Variants in MAP3K5 observed in about 807,000 individuals in gnomAD.
MAP3K5 encodes the protein mitogen-activated protein kinase kinase kinase 5.
MAP3K5 carries 56 observed loss-of-function variants against 158.7 expected under a neutral mutation model. The ratio of observed to expected loss-of-function variants is 0.35; its 90% CI spans 0.28 to 0.44. The LOEUF is 0.44. Among genes scored for constraint, MAP3K5 ranks in the 20% least tolerant of loss-of-function variants. MAP3K5 has a pLI of 1.00. For missense variants in MAP3K5, 1,294 were observed against 1,674.8 expected (o/e 0.77, Z 3.97); for synonymous variants, 579 against 601.7 (o/e 0.96, Z 0.55).
intron 10 of MAP3K5, among the ~76,000 whole-genome samples, chr6:136,652,057 A>G (rs1480841294): frequency 6.6e-6 from 1 of 152,180 alleles, no homozygotes; most frequent in African/African-American, 2.4e-5. Context: ...TATCTTTAGA[A>G]CTAATCTTGA....
At chr6:136,664,446 C>A (rs910418857) in intron 8 of MAP3K5, among the ~76,000 whole-genome samples, 2 of 152,124 alleles carry the variant, frequency 1.3e-5, no homozygotes, top group East Asian at 1.9e-4. Context: ...AACCACCCCC[C>A]ACCCCTGGTC....
chr6:136,666,042 G>A (rs974955666), intron 8 of MAP3K5, among the ~76,000 whole-genome samples: 1 of 152,192 alleles, frequency 6.6e-6, no homozygotes, highest in African/African-American at 2.4e-5. Flanking sequence ...GAAGATGGAA[G>A]CATCATCTTG....
At chr6:136,742,740 T>C (rs1429392625) in intron 1 of MAP3K5, among the ~76,000 whole-genome samples, 1 of 152,158 alleles carries the variant, frequency 6.6e-6, no homozygotes, top group Non-Finnish European at 1.5e-5. Flanking sequence ...AGAATATATT[T>C]GCAAAAGACA....
chr6:136,780,726 T>C (rs1180616648), intron 1 of MAP3K5, among the ~76,000 whole-genome samples: 1 of 152,218 alleles, frequency 6.6e-6, no homozygotes, highest in Admixed American at 6.5e-5. Flanking sequence ...CTATTAACTA[T>C]TACATTTAGG....
intron 12 of MAP3K5, among the ~76,000 whole-genome samples, chr6:136,642,024 TAAAATAA>T (rs1490292066): frequency 5.0e-4 from 53 of 106,142 alleles, no homozygotes; most frequent in African/African-American, 1.8e-3. Context: ...ATAAATAAAA[TAAAATAA>T]AAATAAAATA....
chr6:136,595,735 G>T (rs962455571), intron 21 of MAP3K5, among the ~76,000 whole-genome samples: 1 of 152,188 alleles, frequency 6.6e-6, no homozygotes, highest in Non-Finnish European at 1.5e-5. Flanking sequence ...GCAATTGGGC[G>T]GCTGGGCGCG....
At chr6:136,638,950 AT>A (rs1261543238) in intron 13 of MAP3K5, among the ~76,000 whole-genome samples, 3 of 152,240 alleles carry the variant, frequency 2.0e-5, no homozygotes, top group Non-Finnish European at 2.9e-5. Flanking sequence ...AGTAAGAAGA[AT>A]TTAATTATTA....
In MAP3K5 at chr6:136,684,705, C is replaced by T. The variant is rs1425078125; in HGVS notation, c.1253+9435G>A. Among the ~76,000 whole-genome samples, 3 of 152,200 alleles carry T rather than the reference C, an allele frequency of 2.0e-5. No homozygotes were observed. In the East Asian group the frequency reaches 5.8e-4, roughly 29 times the overall value. ...TGCTGTCATCTTGCTCCTTCTCCTG[C>T]AGCCCAAGTTGTCCTCTAACTAGCA... On this transcript the variant is annotated intron_variant, in intron 7 of 29. Transcript: ENST00000359015.
chr6:136,753,309 C>T lies in MAP3K5; in HGVS notation c.449-32720G>A, dbSNP rs545386861. On this transcript the variant is annotated intron_variant, in intron 1 of 29. Coordinates refer to ENST00000359015, the MANE Select transcript of MAP3K5 (RefSeq NM_005923.4). ...TTTTTCAAGTGAACACAGGAATTCC[C>T]GACTTTCTTTTACCACAAAAGTATA... Among the ~76,000 whole-genome samples, 65 of 152,000 alleles carry T rather than the reference C, an allele frequency of 4.3e-4. 1 individual carries two copies. Among genetic ancestry groups the T allele is most frequent in the African/African-American group, 1.5e-3 (62 of 41,488 alleles).
chr6:136,598,748 G>A (rs1775741660), intron 21 of MAP3K5, among the ~76,000 whole-genome samples: 1 of 152,154 alleles, frequency 6.6e-6, no homozygotes, highest in Admixed American at 6.5e-5. Context: ...CACATATATG[G>A]CCTATAGAAA....
intron 25 of MAP3K5, among the ~76,000 whole-genome samples, chr6:136,579,310 C>T (rs1324621058): frequency 4.6e-5 from 7 of 152,112 alleles, no homozygotes; most frequent in Non-Finnish European, 7.4e-5. Context: ...TATCAAAACA[C>T]GTTGGAGGTT....
At chr6:136,788,255 T>TA (rs1171340395) in intron 1 of MAP3K5, among the ~76,000 whole-genome samples, 1 of 152,216 alleles carries the variant, frequency 6.6e-6, no homozygotes. Flanking sequence ...GACCCCTATC[T>TA]ATCACCATAT....
chr6:136,697,870 G>T (rs1207691742), intron 4 of MAP3K5, among the ~76,000 whole-genome samples: 1 of 152,092 alleles, frequency 6.6e-6, no homozygotes, highest in Non-Finnish European at 1.5e-5. Flanking sequence ...TCAGCCTTGT[G>T]AGTAGCTGGG....
At position 136,602,243 on chromosome 6, in the gene MAP3K5, T is replaced by C. The variant is rs575166221; in HGVS notation, c.2680-264A>G. ...GCACTATGAAGTAATAATTTAGTCCTTCAAAGCTTTAGAACATATTGGTAC... is the reference window on the plus strand; with the variant it reads ...GCACTATGAAGTAATAATTTAGTCCCTCAAAGCTTTAGAACATATTGGTAC... On this transcript the variant is annotated intron_variant, in intron 19 of 29. Coordinates refer to ENST00000359015, the MANE Select transcript of MAP3K5 (RefSeq NM_005923.4). Among the ~76,000 whole-genome samples the C allele has an allele frequency of 9.2e-5, 14 of 152,326 alleles. No homozygotes were observed. In the East Asian group the frequency reaches 2.5e-3, roughly 27 times the overall value.
Position 136,589,201 on chromosome 6 carries a change from G to A in MAP3K5, c.3225+2972C>T, listed in dbSNP as rs148576797. The stretch of plus-strand genomic sequence containing the variant: ...GAACAGGTAAACTGTTGTACTGAGA[G>A]ACTTTAAAAACTTGGCTAGACTCCT... On this transcript the variant is annotated intron_variant, in intron 23 of 29. Transcript: ENST00000359015. Among the ~76,000 whole-genome samples, 478 of 152,304 alleles carry A rather than the reference G, an allele frequency of 3.1e-3. 10 individuals carry two copies. The highest frequency in any genetic ancestry group is 4.0e-4 in the Non-Finnish European group (27 of 68,032).
chr6:136,574,656 T>C (rs1425704705), intron 25 of MAP3K5, among the ~76,000 whole-genome samples: 1 of 151,702 alleles, frequency 6.6e-6, no homozygotes, highest in African/African-American at 2.4e-5. Flanking sequence ...CTGTTCTGTG[T>C]GCTCCTTTTG....
At chr6:136,604,263 A>T (rs1191886726) in intron 19 of MAP3K5, among the ~76,000 whole-genome samples, 1 of 151,936 alleles carries the variant, frequency 6.6e-6, no homozygotes, top group East Asian at 1.9e-4. Flanking sequence ...CGGAGGTTGC[A>T]GTGAGCCGAG....
At chr6:136,721,258 A>T (rs1413975811) in intron 1 of MAP3K5, among the ~76,000 whole-genome samples, 1 of 152,084 alleles carries the variant, frequency 6.6e-6, no homozygotes, top group Non-Finnish European at 1.5e-5. Flanking sequence ...AAAAAATAGC[A>T]GTAACATATA....
At chr6:136,697,437 A>C (rs1361859995) in intron 4 of MAP3K5, 50 bp from the exon 5 acceptor site, 1 of 1,422,768 alleles carries the variant, frequency 7.0e-7, no homozygotes, top group African/African-American at 1.4e-5. Context: ...AAACAATTTC[A>C]ATGAAAAGCA....
Sources: allele counts gnomAD v4.1 joint callset (sites outside exome capture counted in the v4.1 genomes callset), GRCh38; gene constraint gnomAD v4.1.1; transcripts MANE v1.5; gene names NCBI Gene and HGNC (gene_info 2026-07-23, HGNC 2026-07-21).